The following ADAMTS3 variants were observed in gnomAD, a reference collection of about 807,000 sequenced individuals.
ADAMTS3 encodes A disintegrin and metalloproteinase with thrombospondin motifs 3.
Under a neutral mutation model 129.0 loss-of-function variants are expected in ADAMTS3, and 73 were observed. That is an observed-to-expected ratio of 0.57 (90% CI 0.47 to 0.69). The LOEUF is 0.69. Ranked by LOEUF, ADAMTS3 falls within the 30% of genes least tolerant of loss-of-function variation. The pLI is 0.00. For synonymous variants in ADAMTS3, 477 were observed against 510.8 expected (o/e 0.93, Z 0.89); for missense variants, 1,457 against 1,514.5 (o/e 0.96, Z 0.63).
intron 3 of ADAMTS3, among the ~76,000 whole-genome samples, chr4:72,423,301 G>T (rs1722490628): frequency 6.6e-6 from 1 of 152,122 alleles, no homozygotes; most frequent in Non-Finnish European, 1.5e-5. Flanking sequence ...GTCTGGAAAA[G>T]ATGCTGAAAA....
intron 3 of ADAMTS3, among the ~76,000 whole-genome samples, chr4:72,516,942 T>C (rs1287134052): frequency 1.3e-5 from 2 of 152,180 alleles, no homozygotes; most frequent in South Asian, 2.1e-4. Flanking sequence ...CTTCCAGTTT[T>C]TGCCCATTCA....
At chr4:72,530,829 T>C in intron 3 of ADAMTS3, among the ~76,000 whole-genome samples, 1 of 122,192 alleles carries the variant, frequency 8.2e-6, no homozygotes, top group South Asian at 2.2e-4. Flanking sequence ...TTATATAGAT[T>C]ATATATAATA....
At position 72,542,385 on chromosome 4, in the gene ADAMTS3, C is replaced by T. The variant is rs544201996; in HGVS notation, c.504+6093G>A. Reference sequence around the variant, plus strand: ...TTCACCACGTTAGCCAGGATGGTCTCGATCTCCTGACCTTGTGATCCGCCC... The same window carrying T: ...TTCACCACGTTAGCCAGGATGGTCTTGATCTCCTGACCTTGTGATCCGCCC... On this transcript the variant is annotated intron_variant, in intron 3 of 21. Transcript: ENST00000286657. Among the ~76,000 whole-genome samples the T allele has an allele frequency of 2.7e-3, 405 of 152,082 alleles. 3 individuals are homozygous for T. The highest frequency in any genetic ancestry group is 9.5e-3 in the African/African-American group (396 of 41,498).
At chr4:72,285,253 T>A (rs369090512) in intron 21 of ADAMTS3, among the ~76,000 whole-genome samples, 3 of 152,346 alleles carry the variant, frequency 2.0e-5, no homozygotes, top group South Asian at 4.1e-4. Flanking sequence ...ATGCTTGACA[T>A]GTGCAGGTCT....
chr4:72,306,304 C>T lies in ADAMTS3; in HGVS notation c.2180-237G>A, dbSNP rs116808891. Among the ~76,000 whole-genome samples the T allele has an allele frequency of 5.0e-3, 759 of 151,976 alleles. 6 individuals carry two copies. Among genetic ancestry groups the T allele is most frequent in the African/African-American group, 0.017 (721 of 41,510 alleles). On this transcript the variant is annotated intron_variant, in intron 15 of 21. Coordinates refer to ENST00000286657, the MANE Select transcript of ADAMTS3 (RefSeq NM_014243.3). ...GGAAAAAAGTTAATCTTGTTACCAA[C>T]GTATTAGTCACTTATCTTGCGTTGA...
intron 3 of ADAMTS3, among the ~76,000 whole-genome samples, chr4:72,518,634 G>C (rs1489993398): frequency 1.2e-4 from 18 of 152,206 alleles, no homozygotes; most frequent in African/African-American, 3.9e-4. Flanking sequence ...TTTAAAGTCT[G>C]TTTTATCACG....
chr4:72,435,749 G>A (rs561805782), intron 3 of ADAMTS3, among the ~76,000 whole-genome samples: 1 of 152,020 alleles, frequency 6.6e-6, no homozygotes, highest in African/African-American at 2.4e-5. Context: ...AATAGGAAAT[G>A]GGGAAAGGAT....
chr4:72,473,236 T>C (rs1719126979), intron 3 of ADAMTS3, among the ~76,000 whole-genome samples: 1 of 151,934 alleles, frequency 6.6e-6, no homozygotes, highest in South Asian at 2.1e-4. Flanking sequence ...CTGGACCTTA[T>C]ATATATAACA....
intron 3 of ADAMTS3, among the ~76,000 whole-genome samples, chr4:72,430,929 G>A (rs1043422091): frequency 8.6e-5 from 13 of 151,390 alleles, no homozygotes; most frequent in Non-Finnish European, 1.3e-4. Flanking sequence ...GGATTATAAA[G>A]AAACTTTAAA....
chr4:72,545,955 T>C (rs1721456792), intron 3 of ADAMTS3, among the ~76,000 whole-genome samples: 1 of 152,204 alleles, frequency 6.6e-6, no homozygotes, highest in Non-Finnish European at 1.5e-5. Flanking sequence ...TCAAATGTTC[T>C]CAATCATAGG....
intron 4 of ADAMTS3, among the ~76,000 whole-genome samples, chr4:72,346,974 C>A (rs1720302758): frequency 6.6e-6 from 1 of 152,080 alleles, no homozygotes; most frequent in Admixed American, 6.6e-5. Context: ...GTTCAAATGG[C>A]TTAAATTATG....
intron 2 of ADAMTS3, among the ~76,000 whole-genome samples, chr4:72,566,147 C>G (rs1392272895): frequency 6.6e-6 from 1 of 152,132 alleles, no homozygotes; most frequent in Admixed American, 6.5e-5. Context: ...CTTTCCTCCC[C>G]ACTGTTCTCC....
intron 3 of ADAMTS3, among the ~76,000 whole-genome samples, chr4:72,458,785 C>A (rs1055848418): frequency 6.6e-6 from 1 of 151,444 alleles, no homozygotes; most frequent in Non-Finnish European, 1.5e-5. Flanking sequence ...TGTTGAATAT[C>A]TCCACATATC....
chr4:72,417,712 T>C (rs6834074), intron 3 of ADAMTS3, among the ~76,000 whole-genome samples: 107,343 of 151,260 alleles, frequency 0.71, 38,300 homozygotes, highest in South Asian at 0.8. Context: ...GGGCGGATCA[T>C]GAAGTCAGGA....
intron 5 of ADAMTS3, 60 bp downstream of exon 5, chr4:72,339,434 C>A: frequency 6.4e-7 from 1 of 1,557,896 alleles, no homozygotes; most frequent in Non-Finnish European, 8.8e-7. Context: ...CAAAGGGTAC[C>A]AACAAATAAG....
At chr4:72,390,985 A>G (rs1721578716) in intron 4 of ADAMTS3, among the ~76,000 whole-genome samples, 3 of 152,192 alleles carry the variant, frequency 2.0e-5, no homozygotes, top group Admixed American at 2.0e-4. Context: ...CTATGAGCTA[A>G]CAACCCTAGA....
At chr4:72,510,194 T>C (rs1480365760) in intron 3 of ADAMTS3, among the ~76,000 whole-genome samples, 1 of 152,142 alleles carries the variant, frequency 6.6e-6, no homozygotes, top group East Asian at 1.9e-4. Context: ...CTGAAACTCT[T>C]TCCTCTAAGA....
At chr4:72,363,901 C>A (rs949126435) in intron 4 of ADAMTS3, among the ~76,000 whole-genome samples, 12 of 151,730 alleles carry the variant, frequency 7.9e-5, no homozygotes, top group African/African-American at 2.9e-4. Context: ...CCAGATACGA[C>A]GATGATGATG....
rs143790784 is a variant in ADAMTS3 at position 72,311,099 on chromosome 4, C to T, written c.2004G>A (p.Thr668=). Residue 668 remains threonine (T), a synonymous_variant, in exon 14 of 22, where the codon ACG becomes ACA. Transcript: ENST00000286657. ...TATATGGATCTTTGTAAGAACAGTG[C>T]GTTCCATCATGCACCAGTTGTTTCA... ...AYMKQLVHDG[T]HCSYKDPYSI... 534 of 1,612,546 alleles carry T rather than the reference C, an allele frequency of 3.3e-4. 3 individuals are homozygous for T. Among genetic ancestry groups the T allele is most frequent in the Admixed American group, 1.0e-3 (60 of 59,944 alleles).
Sources: allele counts gnomAD v4.1 joint callset (sites outside exome capture counted in the v4.1 genomes callset), GRCh38; gene constraint gnomAD v4.1.1; transcripts MANE v1.5; gene names NCBI Gene and HGNC (gene_info 2026-07-23, HGNC 2026-07-21).